The following TIAM2 variants were observed in gnomAD, a reference collection of about 807,000 sequenced individuals.
TIAM2 encodes TIAM Rac1 associated GEF 2.
A neutral mutation model predicts 152.9 loss-of-function variants in TIAM2; 80 were observed. The ratio of observed to expected loss-of-function variants is 0.52; its 90% CI spans 0.44 to 0.63. TIAM2 has a LOEUF of 0.63. Ranked by LOEUF, TIAM2 falls within the 30% of genes least tolerant of loss-of-function variation. The probability of loss-of-function intolerance (pLI) is 0.00; values close to 1 mark genes in which losing one functional copy is unlikely to be tolerated. For missense variants in TIAM2, 1,965 were observed against 2,120.1 expected, an observed-to-expected ratio of 0.93 and a Z score of 1.44; for synonymous variants, 804 against 838.0, an observed-to-expected ratio of 0.96 and a Z score of 0.70.
Position 155,047,918 on chromosome 6 carries a change from A to G in TIAM2, c.-208-42371A>G, listed in dbSNP as rs115150212. ...GGTCCTGTAGGGCTGAATGGTAAGC[A>G]CTGATGTCAGTGGGCCTCAGCAAGG... On this transcript the variant is annotated intron_variant, in intron 1 of 26. Coordinates refer to ENST00000682666, the MANE Select transcript of TIAM2 (RefSeq NM_012454.4). 5.3e-3 allele frequency among the ~76,000 whole-genome samples: 813 copies of G among 152,252 alleles called. 7 individuals are homozygous for G. The highest frequency in any genetic ancestry group is 0.018 in the African/African-American group (737 of 41,546).
rs1407919311 is a variant in TIAM2 at position 155,028,885 on chromosome 6, ATACACTGTATATACTATC to A, written c.-209+33396_-209+33413del. ...ATATACTATCTATACTATGTTATAT[ATACACTGTATATACTATC>A]TATACTATGTTATATATACACTGTA... On this transcript the variant is annotated intron_variant, in intron 1 of 26. Coordinates refer to ENST00000682666, the MANE Select transcript of TIAM2 (RefSeq NM_012454.4). Among the ~76,000 whole-genome samples the A allele has an allele frequency of 4.6e-4, 54 of 116,348 alleles. 7 individuals carry two copies. The highest frequency in any genetic ancestry group is 0.024 in the Middle Eastern group (2 of 82). The allele number at this position is 116,348 out of a possible 152,430, so 76.3% of individuals were successfully genotyped here.
chr6:155,030,607 C>A (rs2114889378), intron 1 of TIAM2, among the ~76,000 whole-genome samples: 1 of 152,214 alleles, frequency 6.6e-6, no homozygotes, highest in East Asian at 1.9e-4. Context: ...GAATGCTTGC[C>A]AATCCATGAT....
At chr6:155,017,939 C>T (rs1778625946) in intron 1 of TIAM2, among the ~76,000 whole-genome samples, 1 of 152,172 alleles carries the variant, frequency 6.6e-6, no homozygotes, top group African/African-American at 2.4e-5. Context: ...ATGTGGTCAC[C>T]ACCACTGAGG....
At position 155,204,855 on chromosome 6, in the gene TIAM2, A is replaced by G. The variant is rs80179721; in HGVS notation, c.3065-6349A>G. On this transcript the variant is annotated intron_variant, in intron 14 of 26. Transcript: ENST00000682666. ...GCACACACTGGGTAATTTTAAAACA[A>G]ATTTACAGGCTCAGAGTCCTAGAGG... Among the ~76,000 whole-genome samples the G allele has an allele frequency of 6.0e-3, 921 of 152,240 alleles. 12 individuals carry two copies. Among genetic ancestry groups the G allele is most frequent in the African/African-American group, 0.021 (880 of 41,550 alleles).
At chr6:155,146,776 T>C (rs1243559601) in intron 6 of TIAM2, among the ~76,000 whole-genome samples, 4 of 21,310 alleles carry the variant, frequency 1.9e-4, no homozygotes, top group Non-Finnish European at 5.1e-4. Flanking sequence ...TAATTTTTTT[T>C]TTTTTTTTTT....
At chr6:155,242,817 C>T (rs369204410) in intron 16 of TIAM2, among the ~76,000 whole-genome samples, 15 of 152,146 alleles carry the variant, frequency 9.9e-5, no homozygotes, top group African/African-American at 3.6e-4. Context: ...CTCACTGCAA[C>T]CTCCACCTCC....
chr6:155,090,775 AG>A (rs1286975997), intron 2 of TIAM2, among the ~76,000 whole-genome samples: 1 of 152,094 alleles, frequency 6.6e-6, no homozygotes, highest in Non-Finnish European at 1.5e-5. Context: ...TTGAGAACGC[AG>A]AGAGCATATA....
chr6:155,181,015 G>A (rs1780889780), intron 12 of TIAM2, among the ~76,000 whole-genome samples: 1 of 152,066 alleles, frequency 6.6e-6, no homozygotes, highest in Non-Finnish European at 1.5e-5. Context: ...TCTTTGTATT[G>A]GAATGGATGA....
At chr6:155,205,632 G>T (rs1781578869) in intron 14 of TIAM2, among the ~76,000 whole-genome samples, 1 of 152,172 alleles carries the variant, frequency 6.6e-6, no homozygotes, top group Non-Finnish European at 1.5e-5. Flanking sequence ...TTATGGGATG[G>T]CATCAGCCAG....
intron 5 of TIAM2, among the ~76,000 whole-genome samples, chr6:155,138,418 C>T (rs1779607270): frequency 6.6e-6 from 1 of 151,098 alleles, no homozygotes; most frequent in South Asian, 2.1e-4. Context: ...TCATCACTAA[C>T]AAGTGCAGCC....
chr6:155,022,007 A>G (rs1776510291), intron 1 of TIAM2, among the ~76,000 whole-genome samples: 1 of 152,104 alleles, frequency 6.6e-6, no homozygotes, highest in Non-Finnish European at 1.5e-5. Context: ...TTTACCTCTC[A>G]GTTTAATTGC....
At chr6:155,122,524 A>AT (rs566612162) in intron 2 of TIAM2, among the ~76,000 whole-genome samples, 8,797 of 141,242 alleles carry the variant, frequency 0.062, 831 homozygotes, top group African/African-American at 0.15. Context: ...GGATGGTAGG[A>AT]TTTTTTTTTT....
At chr6:155,006,329 G>A (rs564720003) in intron 1 of TIAM2, among the ~76,000 whole-genome samples, 219 of 152,218 alleles carry the variant, frequency 1.4e-3, no homozygotes, top group African/African-American at 5.0e-3. Flanking sequence ...AAGTCCTGTG[G>A]CAGAGCTGCA....
At chr6:155,069,622 GA>G (rs11331721) in intron 1 of TIAM2, among the ~76,000 whole-genome samples, 43,767 of 151,982 alleles carry the variant, frequency 0.29, 7,484 homozygotes, top group African/African-American at 0.47. Flanking sequence ...AAAATAATAG[GA>G]AAAGCTTGAT....
At position 155,144,770 on chromosome 6, in the gene TIAM2, C is replaced by T. The variant is rs553382443; in HGVS notation, c.1795C>T (p.Leu599Phe). 1.9e-6 allele frequency: 3 copies of T among 1,608,950 alleles called. No individual in the cohort carries two copies. Among genetic ancestry groups the T allele is most frequent in the African/African-American group, 1.3e-5 (1 of 74,762 alleles). ...CLSNSFGDVY[L>F]FQATSQTDLE... ...CAGCAACTCCTTTGGAGATGTCTAC[C>T]TTTTCCAGGTACTGCTGGTACTTTG... Residue 599 changes from leucine to phenylalanine, a missense_variant, in exon 6 of 27, where the codon CTT becomes TTT. Physicochemically the swap from Leu to Phe is conservative, Grantham distance 22 (BLOSUM62 0). Around this residue, in one of 3 missense-constraint regions of TIAM2, gnomAD observed 1,025 missense variants for 1,119.4 expected, o/e 0.92. Transcript: ENST00000682666.
intron 1 of TIAM2, among the ~76,000 whole-genome samples, chr6:155,053,229 G>C (rs1382233796): frequency 6.6e-6 from 1 of 152,200 alleles, no homozygotes; most frequent in Non-Finnish European, 1.5e-5. Context: ...TTTGCAGAAA[G>C]AGCAAAGGAG....
chr6:155,190,840 G>GA (rs148913194), intron 14 of TIAM2, among the ~76,000 whole-genome samples: 17 of 145,970 alleles, frequency 1.2e-4, no homozygotes, highest in Admixed American at 3.4e-4. Context: ...TAAGGAAAAG[G>GA]AAAAAAAAAA....
At chr6:155,078,396 G>A (rs1187717040) in intron 1 of TIAM2, among the ~76,000 whole-genome samples, 4 of 152,146 alleles carry the variant, frequency 2.6e-5, no homozygotes. Context: ...GCCTTTAGTA[G>A]CTGCCAGCAT....
At chr6:155,057,055 G>T (rs1461826312) in intron 1 of TIAM2, among the ~76,000 whole-genome samples, 4 of 108,764 alleles carry the variant, frequency 3.7e-5, no homozygotes, top group South Asian at 3.2e-4. Context: ...TTGAGATAGG[G>T]TCTTGCTTTG....
Sources: allele counts gnomAD v4.1 joint callset (sites outside exome capture counted in the v4.1 genomes callset), GRCh38; gene constraint gnomAD v4.1.1; regional missense constraint gnomAD v4.1.1; transcripts MANE v1.5; gene names NCBI Gene and HGNC (gene_info 2026-07-23, HGNC 2026-07-21).